FOCAD: variants seen among roughly 807,000 people sequenced by gnomAD.
The protein encoded by FOCAD is KIAA1797.
A neutral mutation model predicts 225.6 loss-of-function variants in FOCAD; 198 were observed. That is an observed-to-expected ratio of 0.88 (90% CI 0.78 to 0.99). The LOEUF is 0.99. Ranked by LOEUF, FOCAD falls within the 50% of genes least tolerant of loss-of-function variation. The probability of loss-of-function intolerance (pLI) is 0.00; values close to 1 mark genes in which losing one functional copy is unlikely to be tolerated. For synonymous variants in FOCAD, 897 were observed against 755.0 expected, an observed-to-expected ratio of 1.19 and a Z score of -3.08; for missense variants, 2,713 against 2,123.6, an observed-to-expected ratio of 1.28 and a Z score of -5.46.
intron 11 of FOCAD, among the ~76,000 whole-genome samples, chr9:20,818,280 T>C (rs1823944255): frequency 6.6e-6 from 1 of 152,184 alleles, no homozygotes; most frequent in African/African-American, 2.4e-5. Flanking sequence ...TACAAATCTC[T>C]TATTAGCTAT....
At chr9:20,965,108 C>T (rs1211257143) in intron 35 of FOCAD, among the ~76,000 whole-genome samples, 2 of 152,058 alleles carry the variant, frequency 1.3e-5, no homozygotes, top group Non-Finnish European at 2.9e-5. Context: ...CTTAAGGAAG[C>T]AGTTATTTCA....
In FOCAD at chr9:20,881,961, G is replaced by T. The variant is rs150555461; in HGVS notation, c.2408G>T (p.Arg803Leu). The T allele has an allele frequency of 1.9e-6, 3 of 1,613,884 alleles. No homozygotes were observed. The South Asian group carries it at 3.3e-5, about 18-fold the overall frequency. The change falls in exon 20 of 44, where the codon CGC becomes CTC. Residue 803 changes from arginine (R) to leucine (L), a missense_variant. Transcript: ENST00000338382. Reference sequence around the variant, plus strand: ...CACTCTGCATTAAAAGGAGGTGCCCGCTCAGACCAAGGAAAGACTGTAGCA... The same window carrying T: ...CACTCTGCATTAAAAGGAGGTGCCCTCTCAGACCAAGGAAAGACTGTAGCA... Reference protein sequence around the residue: ...IYHSALKGGARSDQGKTVAGI... With the variant: ...IYHSALKGGALSDQGKTVAGI...
intron 23 of FOCAD, among the ~76,000 whole-genome samples, chr9:20,913,598 A>G (rs1833626538): frequency 1.3e-5 from 2 of 152,220 alleles, no homozygotes; most frequent in African/African-American, 4.8e-5. Context: ...GCTTTAATCT[A>G]AAAATCTGTC....
chr9:20,973,621 A>T (rs1259988488), intron 35 of FOCAD, among the ~76,000 whole-genome samples: 4 of 145,714 alleles, frequency 2.7e-5, no homozygotes, highest in African/African-American at 1.0e-4. Context: ...CCATTTTAGC[A>T]TCTGCTAATT....
chr9:20,868,081 G>A (rs1402383286), intron 18 of FOCAD, among the ~76,000 whole-genome samples: 2 of 152,076 alleles, frequency 1.3e-5, no homozygotes, highest in African/African-American at 4.8e-5. Flanking sequence ...GAAAACTTAG[G>A]TAAAGATGTG....
At chr9:20,992,377 A>G (rs1328722114) in intron 42 of FOCAD, among the ~76,000 whole-genome samples, 2 of 152,176 alleles carry the variant, frequency 1.3e-5, no homozygotes, top group Admixed American at 6.5e-5. Context: ...CTACAGAAAC[A>G]TATTTTATTT....
intron 15 of FOCAD, among the ~76,000 whole-genome samples, chr9:20,851,181 A>C (rs989528021): frequency 6.6e-6 from 1 of 151,376 alleles, no homozygotes; most frequent in African/African-American, 2.4e-5. Flanking sequence ...ACCACCTTCA[A>C]ATAAAGTTGA....
At chr9:20,660,772 G>C (rs1441293323) in intron 2 of FOCAD, among the ~76,000 whole-genome samples, 1 of 152,164 alleles carries the variant, frequency 6.6e-6, no homozygotes, top group African/African-American at 2.4e-5. Context: ...ATTTGGGTTT[G>C]AGGGAGAAGG....
chr9:20,895,540 CAT>C (rs776350677), intron 21 of FOCAD, among the ~76,000 whole-genome samples: 190 of 151,680 alleles, frequency 1.3e-3, no homozygotes, highest in Non-Finnish European at 2.0e-3. Context: ...TATACACACA[CAT>C]ATATATATGT....
chr9:20,820,471 C>T, intron 13 of FOCAD, 46 bp downstream of exon 13: 1 of 1,477,132 alleles, frequency 6.8e-7, no homozygotes, highest in Non-Finnish European at 9.4e-7. Flanking sequence ...ATGTTCCTTT[C>T]ACTGAAGGAA....
chr9:20,670,038 A>G (rs1015081622), intron 2 of FOCAD, among the ~76,000 whole-genome samples: 1 of 152,228 alleles, frequency 6.6e-6, no homozygotes, highest in Non-Finnish European at 1.5e-5. Flanking sequence ...AAGCCCTATG[A>G]TGGCAGCATG....
chr9:20,938,528 A>G (rs1057145507), intron 28 of FOCAD, among the ~76,000 whole-genome samples: 7 of 150,754 alleles, frequency 4.6e-5, no homozygotes, highest in East Asian at 2.0e-4. Context: ...GAATTGAACA[A>G]TGAGAACACA....
intron 7 of FOCAD, among the ~76,000 whole-genome samples, chr9:20,769,143 A>G (rs1459745765): frequency 1.3e-5 from 2 of 152,246 alleles, no homozygotes; most frequent in Non-Finnish European, 2.9e-5. Context: ...ATTTTTTATA[A>G]CAATGTTTTC....
chr9:20,944,593 T>C (rs1463926443), intron 28 of FOCAD, 34 bp from the exon 29 acceptor site: 1 of 1,596,972 alleles, frequency 6.3e-7, no homozygotes, highest in African/African-American at 1.3e-5. Context: ...GGATTTCTTA[T>C]GATCCTAACA....
At chr9:20,873,576 A>G (rs567480749) in intron 18 of FOCAD, among the ~76,000 whole-genome samples, 9 of 152,276 alleles carry the variant, frequency 5.9e-5, no homozygotes, top group South Asian at 2.1e-4. Context: ...TCTGAATTAA[A>G]TCTTGTCTTG....
rs754621959 is a variant in FOCAD, at chr9:20,988,357, C to G, written c.4932C>G (p.Leu1644=). 3.1e-6 allele frequency: 5 copies of G among 1,611,166 alleles called. No individual in the cohort carries two copies. Among genetic ancestry groups the G allele is most frequent in the Middle Eastern group, 1.7e-4 (1 of 6,054 alleles). ...GCGTTTTGAAGAGAATGGAGTGGCTCTTGGAACTGATGGGTTATATTAGAA... is the reference window on the plus strand; with the variant it reads ...GCGTTTTGAAGAGAATGGAGTGGCTGTTGGAACTGATGGGTTATATTAGAA... ...NTGVLKRMEW[L]LELMGYIRNV... Residue 1644 remains leucine, a synonymous_variant, in exon 41 of 44, where the codon CTC becomes CTG. Transcript: ENST00000338382.
At position 20,819,224 on chromosome 9, in the gene FOCAD, A is replaced by AT. The variant is rs562529788; in HGVS notation, c.1456-565dup. 1.2e-4 allele frequency among the ~76,000 whole-genome samples: 18 copies of AT among 151,940 alleles called. No individual in the cohort carries two copies. The East Asian group carries it at 3.1e-3, about 26-fold the overall frequency. ...TCTTTGAGGCAGGATATATCTTTTT[A>AT]TTTTTTTGAGACAGGGTCTTGCTCT... On this transcript the variant is annotated intron_variant, in intron 11 of 43. Transcript: ENST00000338382.
At chr9:20,976,045 A>G (rs1391390162) in intron 35 of FOCAD, among the ~76,000 whole-genome samples, 1 of 152,204 alleles carries the variant, frequency 6.6e-6, no homozygotes, top group Non-Finnish European at 1.5e-5. Context: ...GTTATTTCCA[A>G]ATAGCTAGAT....
At chr9:20,918,670 G>A (rs1165054029) in intron 24 of FOCAD, among the ~76,000 whole-genome samples, 2 of 151,026 alleles carry the variant, frequency 1.3e-5, no homozygotes, top group Admixed American at 1.3e-4. Flanking sequence ...CTTGCAGTGA[G>A]CAGAGATCCC....
Sources: allele counts gnomAD v4.1 joint callset (sites outside exome capture counted in the v4.1 genomes callset), GRCh38; gene constraint gnomAD v4.1.1; transcripts MANE v1.5; gene names NCBI Gene and HGNC (gene_info 2026-07-23, HGNC 2026-07-21).